The following NLGN1 variants were observed in gnomAD, a reference collection of about 807,000 sequenced individuals.
The protein encoded by NLGN1 is neuroligin 1.
Under a neutral mutation model 65.5 loss-of-function variants are expected in NLGN1, and 12 were observed. That is an observed-to-expected ratio of 0.18 (90% CI 0.12 to 0.30). The LOEUF is 0.30. Among genes scored for constraint, NLGN1 ranks in the 10% least tolerant of loss-of-function variants. The pLI is 1.00. For synonymous variants in NLGN1, 350 were observed against 359.5 expected, an observed-to-expected ratio of 0.97 and a Z score of 0.30; for missense variants, 750 against 1,007.1, an observed-to-expected ratio of 0.74 and a Z score of 3.46.
chr3:173,867,989 T>G (rs761684605), intron 4 of NLGN1, among the ~76,000 whole-genome samples: 12 of 152,298 alleles, frequency 7.9e-5, no homozygotes, highest in East Asian at 3.9e-4. Flanking sequence ...TTGAAAATCT[T>G]AATCTCCACT....
intron 4 of NLGN1, among the ~76,000 whole-genome samples, chr3:173,904,813 C>T (rs900513793): frequency 1.3e-5 from 2 of 152,076 alleles, no homozygotes; most frequent in Non-Finnish European, 2.9e-5. Flanking sequence ...AAAATGCCAA[C>T]AGATACAGAA....
intron 4 of NLGN1, among the ~76,000 whole-genome samples, chr3:174,103,466 C>T (rs1275912838): frequency 6.6e-6 from 1 of 152,012 alleles, no homozygotes; most frequent in African/African-American, 2.4e-5. Flanking sequence ...AGAATCTTGC[C>T]ATCTTAATTT....
chr3:173,659,583 G>C (rs150349368), intron 3 of NLGN1, among the ~76,000 whole-genome samples: 2,019 of 151,892 alleles, frequency 0.013, 57 homozygotes, highest in African/African-American at 0.045. Context: ...ATAGCCTTGG[G>C]CCACAGAGTC....
intron 4 of NLGN1, among the ~76,000 whole-genome samples, chr3:173,919,671 A>C (rs1741545818): frequency 6.6e-6 from 1 of 152,166 alleles, no homozygotes; most frequent in Non-Finnish European, 1.5e-5. Flanking sequence ...AGAATTCCTA[A>C]AATATGGATA....
intron 4 of NLGN1, among the ~76,000 whole-genome samples, chr3:173,821,708 G>T (rs767494124): frequency 2.6e-4 from 40 of 152,176 alleles, no homozygotes; most frequent in Non-Finnish European, 4.9e-4. Flanking sequence ...AGAGACCACA[G>T]ATCAGACATA....
intron 4 of NLGN1, among the ~76,000 whole-genome samples, chr3:174,114,751 A>G (rs1394467574): frequency 3.3e-5 from 5 of 152,102 alleles, no homozygotes; most frequent in Non-Finnish European, 5.9e-5. Context: ...TCCACCTCAT[A>G]GATGTACCCA....
intron 4 of NLGN1, among the ~76,000 whole-genome samples, chr3:174,056,186 A>T (rs2152510680): frequency 6.6e-6 from 1 of 152,192 alleles, no homozygotes; most frequent in South Asian, 2.1e-4. Flanking sequence ...GCAAATTCTT[A>T]ACTATAACAT....
intron 4 of NLGN1, among the ~76,000 whole-genome samples, chr3:173,928,976 A>G (rs761411957): frequency 2.6e-5 from 4 of 152,100 alleles, no homozygotes; most frequent in Non-Finnish European, 4.4e-5. Flanking sequence ...GGCCTGACAT[A>G]GTTAATTTTT....
At chr3:173,807,534 T>G (rs767385501) in intron 3 of NLGN1, 146 bp from the exon 4 acceptor site, 6 of 811,286 alleles carry the variant, frequency 7.4e-6, no homozygotes, top group Non-Finnish European at 1.1e-5. Context: ...TCATATGAGT[T>G]GCTTAAGAAA....
chr3:173,994,717 C>G (rs1245376369), intron 4 of NLGN1, among the ~76,000 whole-genome samples: 1 of 152,086 alleles, frequency 6.6e-6, no homozygotes, highest in African/African-American at 2.4e-5. Context: ...TAGGTTAGAA[C>G]TGAGCACATG....
In NLGN1 at chr3:174,280,678, T is replaced by C; in HGVS notation, c.1847T>C (p.Leu616Pro). 6.2e-7 allele frequency: 1 copy of C among 1,613,202 alleles called. No homozygotes were observed. Among genetic ancestry groups the C allele is most frequent in the East Asian group, 2.2e-5 (1 of 44,828 alleles). ...GAGTTGGTACCTCATCTGCATAATC[T>C]CAATGACATTTCTCAGTATACCTCT... is the stretch of plus-strand genomic sequence containing the variant. Residue 616 changes from leucine to proline, a missense_variant, in exon 7 of 7, where the codon CTC (leucine) becomes CCC (proline). Physicochemically the swap from Leu to Pro is moderately conservative, Grantham distance 98. Coordinates refer to ENST00000457714, the Ensembl canonical transcript of NLGN1. This position sits in a 1 kb window ranked among gnomAD's most constrained non-coding sequence, Gnocchi z 4.9.
At chr3:173,474,253 G>T (rs1030809) in intron 2 of NLGN1, among the ~76,000 whole-genome samples, 24,056 of 151,866 alleles carry the variant, frequency 0.16, 1,983 homozygotes, top group Middle Eastern at 0.26. Context: ...ACTAGCATGG[G>T]GTAGAATCTT....
chr3:174,240,736 T>C (rs147294508), intron 4 of NLGN1, among the ~76,000 whole-genome samples: 5 of 152,290 alleles, frequency 3.3e-5, no homozygotes, highest in Admixed American at 6.5e-5. Flanking sequence ...TCAGAATATA[T>C]AGCACCCCTG....
chr3:173,810,425 G>A (rs1010130979), intron 4 of NLGN1, among the ~76,000 whole-genome samples: 1 of 152,182 alleles, frequency 6.6e-6, no homozygotes, highest in Admixed American at 6.5e-5. Context: ...TCCCACATCC[G>A]AGGAAATCCT....
At chr3:174,128,632 A>G (rs2152665538) in intron 4 of NLGN1, among the ~76,000 whole-genome samples, 1 of 152,252 alleles carries the variant, frequency 6.6e-6, no homozygotes, top group African/African-American at 2.4e-5. Context: ...CATTTAGTCC[A>G]AGTGACTGAC....
chr3:173,471,984 G>A (rs1320448747), intron 2 of NLGN1, among the ~76,000 whole-genome samples: 1 of 152,094 alleles, frequency 6.6e-6, no homozygotes, highest in African/African-American at 2.4e-5. Flanking sequence ...ATTCAAATCT[G>A]ATTATTAAGG....
chr3:174,289,885 C>T (rs1194724445), downstream of NLGN1, among the ~76,000 whole-genome samples: 2 of 130,966 alleles, frequency 1.5e-5, no homozygotes, highest in East Asian at 5.7e-4. Flanking sequence ...TGTGTATGTA[C>T]GTGGGGGCAC....
At chr3:173,658,899 G>T (rs952432379) in intron 3 of NLGN1, among the ~76,000 whole-genome samples, 1 of 151,948 alleles carries the variant, frequency 6.6e-6, no homozygotes, top group Non-Finnish European at 1.5e-5. Flanking sequence ...TGGAATGGAG[G>T]TTCATCCTCA....
intron 4 of NLGN1, among the ~76,000 whole-genome samples, chr3:174,052,757 T>G (rs1006945043): frequency 6.6e-6 from 1 of 152,044 alleles, no homozygotes. Flanking sequence ...TCACTGACAC[T>G]AATGGCAGGG....
Sources: gnomAD v4.1 joint callset for allele counts (sites outside exome capture counted in the v4.1 genomes callset) on GRCh38, gnomAD v4.1.1 for gene constraint, Gnocchi (gnomAD v3.1) non-coding constraint, MANE v1.5 for transcripts, NCBI Gene and HGNC (gene_info 2026-07-23, HGNC 2026-07-21) for gene names.